CDH4: variants seen among roughly 807,000 people sequenced by gnomAD.
CDH4 encodes the protein cadherin-4.
In CDH4, 33 loss-of-function variants were observed where a neutral mutation model predicts 86.0. The ratio of observed to expected loss-of-function variants is 0.38; its 90% CI spans 0.29 to 0.51. The LOEUF is 0.51. Among genes scored for constraint, CDH4 ranks in the 20% least tolerant of loss-of-function variants. The pLI is 0.86. For missense variants in CDH4, 1,114 were observed against 1,307.4 expected (o/e 0.85, Z 2.28); for synonymous variants, 555 against 549.4 (o/e 1.01, Z -0.14).
intron 2 of CDH4, among the ~76,000 whole-genome samples, chr20:61,588,572 C>A (rs577224841): frequency 6.6e-6 from 1 of 152,362 alleles, no homozygotes; most frequent in African/African-American, 2.4e-5. Context: ...GAAACGTAGT[C>A]ATGCTGAGAT....
At chr20:61,272,670 G>A (rs1201642790) in intron 2 of CDH4, among the ~76,000 whole-genome samples, 3 of 152,096 alleles carry the variant, frequency 2.0e-5, no homozygotes, top group African/African-American at 7.2e-5. Flanking sequence ...GGAGTACTAT[G>A]CACAGTTTGG....
At chr20:61,296,557 A>G (rs1400025432) in intron 2 of CDH4, among the ~76,000 whole-genome samples, 5 of 152,042 alleles carry the variant, frequency 3.3e-5, no homozygotes, top group Admixed American at 6.6e-5. Context: ...GTCCCCACAC[A>G]CAAACAGAAA....
intron 2 of CDH4, among the ~76,000 whole-genome samples, chr20:61,475,190 A>C (rs2085527260): frequency 6.6e-6 from 1 of 152,080 alleles, no homozygotes; most frequent in Non-Finnish European, 1.5e-5. Context: ...TGAGCACTGT[A>C]CCAAAAAGCA....
chr20:61,654,934 G>C (rs547784788), intron 2 of CDH4, among the ~76,000 whole-genome samples: 1 of 76,750 alleles, frequency 1.3e-5, no homozygotes, highest in Admixed American at 1.2e-4. Flanking sequence ...AGCCAGCCTC[G>C]CTCTGGACAG....
intron 15 of CDH4, among the ~76,000 whole-genome samples, chr20:61,936,427 C>CA (rs1555864122): frequency 3.3e-5 from 2 of 60,624 alleles, no homozygotes; most frequent in South Asian, 8.1e-4. Context: ...CACCCCCCCC[C>CA]CCATCTGCCC....
chr20:61,392,059 C>T lies in CDH4; in HGVS notation c.169+137122C>T, dbSNP rs58610349. Among the ~76,000 whole-genome samples, 8,340 of 151,994 alleles carry T rather than the reference C, an allele frequency of 0.055. 383 individuals are homozygous for T. The highest frequency in any genetic ancestry group is 0.15 in the East Asian group (762 of 5,148). ...TCAACCCTTCCCCCGCCTCGCTTGC[C>T]GTGGGTTTCAGCATCGCGGGGGCTG... On this transcript the variant is annotated intron_variant, in intron 2 of 15. Transcript: ENST00000614565. The surrounding 1 kb of genome is among the most constrained non-coding windows in gnomAD (Gnocchi z 5.7).
At chr20:61,379,681 T>C (rs2084889653) in intron 2 of CDH4, among the ~76,000 whole-genome samples, 2 of 152,160 alleles carry the variant, frequency 1.3e-5, no homozygotes, top group Admixed American at 1.3e-4. Context: ...AATGCACTGA[T>C]TCGACAAAGA....
chr20:61,895,107 G>C, intron 8 of CDH4, 60 bp downstream of exon 8: 1 of 1,569,310 alleles, frequency 6.4e-7, no homozygotes, highest in Non-Finnish European at 8.7e-7. Flanking sequence ...ATGCACTGGC[G>C]TGCGGCACAG....
chr20:61,870,274 G>A (rs1444857368), intron 6 of CDH4, among the ~76,000 whole-genome samples: 1 of 152,212 alleles, frequency 6.6e-6, no homozygotes, highest in Admixed American at 6.5e-5. Context: ...TCTGAGACAT[G>A]ACAAACCCAT....
intron 13 of CDH4, among the ~76,000 whole-genome samples, chr20:61,931,548 C>T (rs2055110157): frequency 6.6e-6 from 1 of 152,236 alleles, no homozygotes; most frequent in African/African-American, 2.4e-5. Flanking sequence ...CTCTGCGGTA[C>T]ATAAGAGTGC....
At chr20:61,462,421 G>A (rs1000945454) in intron 2 of CDH4, among the ~76,000 whole-genome samples, 2 of 152,282 alleles carry the variant, frequency 1.3e-5, no homozygotes, top group Non-Finnish European at 2.9e-5. Context: ...ATATGCAAAC[G>A]ATTTTTAATA....
chr20:61,385,666 C>T (rs936345980), intron 2 of CDH4, among the ~76,000 whole-genome samples: 13 of 152,106 alleles, frequency 8.5e-5, no homozygotes, highest in Non-Finnish European at 1.2e-4. Flanking sequence ...CTGTTGCTGT[C>T]CACGCTGTAT....
intron 2 of CDH4, among the ~76,000 whole-genome samples, chr20:61,345,327 A>G (rs901506546): frequency 1.5e-4 from 23 of 152,342 alleles, no homozygotes; most frequent in African/African-American, 5.3e-4. Flanking sequence ...AACCTCAGAC[A>G]ACACCACCCC....
intron 2 of CDH4, among the ~76,000 whole-genome samples, chr20:61,285,014 C>A (rs1568781845): frequency 6.6e-6 from 1 of 152,184 alleles, no homozygotes; most frequent in Non-Finnish European, 1.5e-5. Context: ...CAGCCCCTTG[C>A]TGCTGCTTCT....
chr20:61,388,057 G>A (rs2084962009), intron 2 of CDH4, among the ~76,000 whole-genome samples: 1 of 152,234 alleles, frequency 6.6e-6, no homozygotes, highest in Non-Finnish European at 1.5e-5. Context: ...ATGTTGATAA[G>A]ATTTATAAAG....
chr20:61,856,719 T>C (rs1339200413), intron 6 of CDH4, among the ~76,000 whole-genome samples: 1 of 152,244 alleles, frequency 6.6e-6, no homozygotes, highest in Non-Finnish European at 1.5e-5. Flanking sequence ...CCTGGGGCAC[T>C]ACTGACCTGC....
chr20:61,598,597 G>C (rs1329718953), intron 2 of CDH4, among the ~76,000 whole-genome samples: 1 of 152,160 alleles, frequency 6.6e-6, no homozygotes, highest in Admixed American at 6.5e-5. Context: ...TTCCAGAATC[G>C]CGTGTGGGGA....
chr20:61,578,784 G>A (rs1434051629), intron 2 of CDH4, among the ~76,000 whole-genome samples: 1 of 152,060 alleles, frequency 6.6e-6, no homozygotes, highest in South Asian at 2.1e-4. Context: ...TCTCTCATCC[G>A]GTCCATTCTG....
rs1051078957 is a variant in CDH4 at position 61,829,125 on chromosome 20, G to A, written c.577-15543G>A. On this transcript the variant is annotated intron_variant, in intron 4 of 15. Transcript: ENST00000614565. The surrounding 1 kb of genome is among the most constrained non-coding windows in gnomAD (Gnocchi z 4.2). ...CCCAGTTCCTAACAGGCCACAGACC[G>A]GTACCGGGTTGGGGACCCTGCTTTA... 3.2e-4 allele frequency among the ~76,000 whole-genome samples: 48 copies of A among 152,218 alleles called. 1 individual carries two copies. The highest frequency in any genetic ancestry group is 2.6e-4 in the Admixed American group (4 of 15,290).
Sources: allele counts gnomAD v4.1 joint callset (sites outside exome capture counted in the v4.1 genomes callset), GRCh38; gene constraint gnomAD v4.1.1; non-coding constraint Gnocchi (gnomAD v3.1); transcripts MANE v1.5; gene names NCBI Gene and HGNC (gene_info 2026-07-23, HGNC 2026-07-21).